SCARA5: variants seen among roughly 807,000 people sequenced by gnomAD.
SCARA5 encodes the protein scavenger receptor class A member 5, also known as scavenger receptor class A, member 5 (putative).
In SCARA5, 45 loss-of-function variants were observed where a neutral mutation model predicts 46.3. That is an observed-to-expected ratio of 0.97 (90% CI 0.76 to 1.24). SCARA5 has a LOEUF of 1.24. SCARA5 is among the 50% of genes most tolerant of loss of function. SCARA5 has a pLI of 0.00. For synonymous variants in SCARA5, 333 were observed against 306.5 expected (o/e 1.09, Z -0.90); for missense variants, 680 against 689.0 (o/e 0.99, Z 0.15).
At position 27,907,146 on chromosome 8, in the gene SCARA5, A is replaced by G; in HGVS notation, c.1096+2T>C. ...CTCAGGGAGAACTGAGATTGTTATT[A>G]CCTTTGAACCCACGCATGCCCATTG... On this transcript the variant is annotated splice_donor_variant, in intron 6 of 8. Transcript: ENST00000354914. LOFTEE classifies it high-confidence loss of function. The G allele has an allele frequency of 5.0e-6, 8 of 1,608,768 alleles. No homozygotes were observed. Among genetic ancestry groups the G allele is most frequent in the Non-Finnish European group, 6.8e-6 (8 of 1,176,456 alleles).
chr8:27,966,238 C>T (rs952964454), intron 3 of SCARA5, among the ~76,000 whole-genome samples, 176 bp downstream of exon 3: 3 of 152,198 alleles, frequency 2.0e-5, no homozygotes, highest in Non-Finnish European at 4.4e-5. Context: ...ATAGCCCCTG[C>T]CAGCTACTCC....
intron 3 of SCARA5, among the ~76,000 whole-genome samples, chr8:27,952,889 G>A (rs1808150959): frequency 6.6e-6 from 1 of 152,212 alleles, no homozygotes; most frequent in Non-Finnish European, 1.5e-5. Flanking sequence ...CAGGATAACA[G>A]AAGGGAGCCT....
Position 27,922,076 on chromosome 8 carries a change from G to A in SCARA5, c.411C>T (p.Asp137=), listed in dbSNP as rs1202430422. 1.3e-6 allele frequency: 2 copies of A among 1,597,760 alleles called. No individual in the cohort carries two copies. The highest frequency in any genetic ancestry group is 1.7e-6 in the Non-Finnish European group (2 of 1,174,268). ...CTGCGCCCGCCAGCGCCAGCAACGA[G>A]TCTGACTGGTTCTGCAGCGCGTCCT... ...KVQDALQNQS[D]SLLALAGAVQ... is the part of the protein sequence containing the mutation. The change falls in exon 4 of 9, where the codon GAC becomes GAT. Residue 137 remains aspartate, a synonymous_variant. Transcript: ENST00000354914.
chr8:27,927,251 C>A (rs889170178), intron 3 of SCARA5, among the ~76,000 whole-genome samples: 2 of 152,152 alleles, frequency 1.3e-5, no homozygotes, highest in African/African-American at 4.8e-5. Context: ...CAGCTCTGGG[C>A]CCTGCTCCCT....
At chr8:27,960,492 C>T (rs1211010328) in intron 3 of SCARA5, among the ~76,000 whole-genome samples, 1 of 152,096 alleles carries the variant, frequency 6.6e-6, no homozygotes, top group African/African-American at 2.4e-5. Flanking sequence ...TACTTACGTG[C>T]CAGGCAGTGA....
chr8:27,905,523 T>TGGCGGGGGGGGGGGGGGG, intron 6 of SCARA5, among the ~76,000 whole-genome samples: 1 of 53,692 alleles, frequency 1.9e-5, no homozygotes, highest in South Asian at 6.3e-4. Flanking sequence ...ATCCAAGATT[T>TGGCGGGGGGGGGGGGGGG]GGGGGGGGGA....
rs542924022 is a variant in SCARA5 at position 27,977,173 on chromosome 8, C to T, written c.112+10331G>A. On this transcript the variant is annotated intron_variant, in intron 2 of 8. Coordinates refer to ENST00000354914, the MANE Select transcript of SCARA5 (RefSeq NM_173833.6). The stretch of plus-strand genomic sequence containing the variant: ...CCTTTTATAAGGGCACTTATCCCAC[C>T]CACGTGGGCTCCACCCCCATGACCT... 7.2e-5 allele frequency among the ~76,000 whole-genome samples: 11 copies of T among 152,290 alleles called. No homozygotes were observed. In the South Asian group the frequency reaches 2.1e-3, roughly 29 times the overall value.
intron 3 of SCARA5, among the ~76,000 whole-genome samples, chr8:27,961,001 G>A (rs1808285902): frequency 6.6e-6 from 1 of 152,200 alleles, no homozygotes; most frequent in Non-Finnish European, 1.5e-5. Flanking sequence ...CATTCAGACA[G>A]CAAAGTGATG....
chr8:27,886,949 T>C (rs865820242), intron 7 of SCARA5, among the ~76,000 whole-genome samples: 1 of 152,166 alleles, frequency 6.6e-6, no homozygotes, highest in Non-Finnish European at 1.5e-5. Flanking sequence ...GGAGGGTCCC[T>C]GCAGGGGGAA....
At chr8:27,991,863 ACACACACACACATG>A (rs576443214) in intron 1 of SCARA5, among the ~76,000 whole-genome samples, 5,116 of 145,904 alleles carry the variant, frequency 0.035, 407 homozygotes, top group East Asian at 0.31. Context: ...ACACACATGC[ACACACACACACATG>A]CACACACACA....
chr8:27,909,339 G>T (rs1405199359), intron 5 of SCARA5, among the ~76,000 whole-genome samples: 1 of 152,142 alleles, frequency 6.6e-6, no homozygotes, highest in Non-Finnish European at 1.5e-5. Flanking sequence ...TCAAAGGGTT[G>T]GTCTGGATCT....
intron 3 of SCARA5, among the ~76,000 whole-genome samples, chr8:27,925,816 G>A (rs1390407316): frequency 6.6e-6 from 1 of 152,184 alleles, no homozygotes; most frequent in Admixed American, 6.5e-5. Context: ...CTCAAAAGAA[G>A]ACATCTATGC....
chr8:27,984,001 C>G (rs1336163162), intron 2 of SCARA5, among the ~76,000 whole-genome samples: 1 of 152,184 alleles, frequency 6.6e-6, no homozygotes, highest in African/African-American at 2.4e-5. Context: ...CCTCACACTT[C>G]ACCGTCTTCA....
At chr8:27,968,110 T>C (rs1808396952) in intron 2 of SCARA5, among the ~76,000 whole-genome samples, 1 of 152,216 alleles carries the variant, frequency 6.6e-6, no homozygotes, top group African/African-American at 2.4e-5. Flanking sequence ...GTATCATTAC[T>C]ACCTCCTTGG....
chr8:27,922,113 A>T lies in SCARA5; in HGVS notation c.374T>A (p.Val125Glu), dbSNP rs1035905397. ...CTGCAGCGCGTCCTGCACCTTCCACACCTGCTCCGTCAGGTCCGCTTGCAG... is the reference window on the plus strand; with the variant it reads ...CTGCAGCGCGTCCTGCACCTTCCACTCCTGCTCCGTCAGGTCCGCTTGCAG... ...APLQADLTEQVWKVQDALQNQ... is the reference protein window; with the variant it reads ...APLQADLTEQEWKVQDALQNQ... Residue 125 changes from valine to glutamate, a missense_variant, in exon 4 of 9, where the codon GTG becomes GAG. Val to Glu is a moderately radical substitution (Grantham distance 121). Coordinates refer to ENST00000354914, the MANE Select transcript of SCARA5 (RefSeq NM_173833.6). The T allele has an allele frequency of 6.2e-7, 1 of 1,605,292 alleles. No homozygotes were observed. Among genetic ancestry groups the T allele is most frequent in the East Asian group, 2.2e-5 (1 of 44,502 alleles).
intron 1 of SCARA5, among the ~76,000 whole-genome samples, chr8:27,990,680 G>C (rs1356305946): frequency 6.6e-6 from 1 of 152,218 alleles, no homozygotes; most frequent in Admixed American, 6.5e-5. Flanking sequence ...CTGGGCCCCA[G>C]ATCAGGCAGA....
In SCARA5 at chr8:27,974,015, T is replaced by A. The variant is rs530094323; in HGVS notation, c.113-7473A>T. Among the ~76,000 whole-genome samples, 23 of 152,220 alleles carry A rather than the reference T, an allele frequency of 1.5e-4. No individual in the cohort carries two copies. The South Asian group carries it at 4.8e-3, about 32-fold the overall frequency. Reference sequence around the variant, plus strand: ...TAGGGAGATGTTTGGCAACGGACATTAAAGAACAGGAAAGTTTATATAAAA... The same window carrying A: ...TAGGGAGATGTTTGGCAACGGACATAAAAGAACAGGAAAGTTTATATAAAA... On this transcript the variant is annotated intron_variant, in intron 2 of 8. Coordinates refer to ENST00000354914, the MANE Select transcript of SCARA5 (RefSeq NM_173833.6).
chr8:27,881,220 T>A (rs1806807634), intron 7 of SCARA5, among the ~76,000 whole-genome samples: 1 of 152,120 alleles, frequency 6.6e-6, no homozygotes, highest in Non-Finnish European at 1.5e-5. Context: ...AATAAATCAT[T>A]CTACCAAAAA....
At chr8:27,921,134 C>G (rs1047660174) in intron 4 of SCARA5, among the ~76,000 whole-genome samples, 2 of 152,238 alleles carry the variant, frequency 1.3e-5, no homozygotes, top group African/African-American at 4.8e-5. Flanking sequence ...TTGGAATTCT[C>G]TAACTCCAGA....
Sources: allele counts gnomAD v4.1 joint callset (sites outside exome capture counted in the v4.1 genomes callset), GRCh38; gene constraint gnomAD v4.1.1; transcripts MANE v1.5; gene names NCBI Gene and HGNC (gene_info 2026-07-23, HGNC 2026-07-21).